The following PRDM15 variants were observed in gnomAD, a reference collection of about 807,000 sequenced individuals.
PRDM15 encodes PR domain zinc finger protein 15.
PRDM15 carries 64 observed loss-of-function variants against 128.6 expected under a neutral mutation model. The observed-to-expected ratio is 0.50, with a 90% CI of 0.41 to 0.61. The LOEUF (loss-of-function observed/expected upper bound fraction) is 0.61, where lower values mean the gene tolerates loss of function less well. Among genes scored for constraint, PRDM15 ranks in the 20% least tolerant of loss-of-function variants. The pLI is 0.00. For synonymous variants in PRDM15, 615 were observed against 621.8 expected (o/e 0.99, Z 0.16); for missense variants, 1,242 against 1,569.1 (o/e 0.79, Z 3.52).
intron 19 of PRDM15, chr21:41,813,342 G>A (rs1461764411): frequency 6.6e-6 from 1 of 152,278 alleles, no homozygotes; most frequent in African/African-American, 2.4e-5. Flanking sequence ...TCCCAAAAAT[G>A]GTAAAGCATA....
At chr21:41,858,061 C>T (rs7282182) in intron 3 of PRDM15, among the ~76,000 whole-genome samples, 67,985 of 152,078 alleles carry the variant, frequency 0.45, 15,361 homozygotes, top group South Asian at 0.5. Flanking sequence ...GGAGGAGGGA[C>T]CACAGGGAAC....
intron 1 of PRDM15, chr21:41,867,446 T>G: frequency 8.3e-7 from 1 of 1,198,594 alleles, no homozygotes; most frequent in Non-Finnish European, 1.2e-6. Flanking sequence ...AACATACATG[T>G]TGAAGAGACA....
chr21:41,831,012 A>G (rs28550483), intron 11 of PRDM15, among the ~76,000 whole-genome samples: 65,378 of 152,136 alleles, frequency 0.43, 14,512 homozygotes, highest in East Asian at 0.57. Context: ...GCAGAGCTGC[A>G]TTCTCCTCCC....
intron 18 of PRDM15, among the ~76,000 whole-genome samples, chr21:41,816,936 G>T (rs564863961): frequency 4.2e-4 from 63 of 148,496 alleles, no homozygotes; most frequent in African/African-American, 1.5e-3. Context: ...GACACGCCCA[G>T]ACCCCAGCAC....
intron 18 of PRDM15, among the ~76,000 whole-genome samples, chr21:41,816,683 G>C (rs765735099): frequency 3.9e-5 from 6 of 152,150 alleles, no homozygotes; most frequent in Admixed American, 2.0e-4. Flanking sequence ...GCTCCTGCCA[G>C]AATTCTAAAG....
chr21:41,821,992 T>C lies in PRDM15; in HGVS notation c.1807A>G (p.Lys603Glu). The C allele has an allele frequency of 6.2e-7, 1 of 1,614,180 alleles. No individual in the cohort carries two copies. Among genetic ancestry groups the C allele is most frequent in the Middle Eastern group, 1.6e-4 (1 of 6,062 alleles). The change falls in exon 15 of 24, where the codon AAG becomes GAG. Residue 603 changes from lysine to glutamate, a missense_variant. Coordinates refer to ENST00000398548, the MANE Select transcript of PRDM15 (RefSeq NM_001040424.3). The surrounding 1 kb of genome is among the most constrained non-coding windows in gnomAD (Gnocchi z 5.4). ...DDHQREEFIG[K>E]IGISSEENDD... ...TTTTCTTCCGAGGAGATCCCGATCTTGCCGATAAACTCTTCCCTCTGGTGG... is the reference window on the plus strand; with the variant it reads ...TTTTCTTCCGAGGAGATCCCGATCTCGCCGATAAACTCTTCCCTCTGGTGG...
At chr21:41,853,643 C>A (rs1332350632) in intron 5 of PRDM15, among the ~76,000 whole-genome samples, 1 of 152,208 alleles carries the variant, frequency 6.6e-6, no homozygotes, top group African/African-American at 2.4e-5. Context: ...GCTTGATGGG[C>A]AAAGTGATGC....
At position 41,859,080 on chromosome 21, in the gene PRDM15, G is replaced by C; in HGVS notation, c.131+512C>G. On this transcript the variant is annotated intron_variant, in intron 3 of 23. Transcript: ENST00000398548. This position sits in a 1 kb window ranked among gnomAD's most constrained non-coding sequence, Gnocchi z 5.3. ...AGCCTCCCCCAGGTGAGGGTGGAAC[G>C]GCAGGGCAGCTGCTGCCCACTGAGC... is the stretch of plus-strand genomic sequence containing the variant. The C allele has an allele frequency of 6.3e-7, 1 of 1,583,108 alleles. No homozygotes were observed. The highest frequency in any genetic ancestry group is 1.1e-5 in the South Asian group (1 of 87,084).
chr21:41,820,720 G>A (rs767447262), intron 16 of PRDM15, among the ~76,000 whole-genome samples: 4 of 152,250 alleles, frequency 2.6e-5, no homozygotes, highest in African/African-American at 7.2e-5. Context: ...AGCAGACCGC[G>A]CAGATTATGG....
At chr21:41,825,883 G>A in intron 13 of PRDM15, 77 bp downstream of exon 13, 2 of 1,149,508 alleles carry the variant, frequency 1.7e-6, no homozygotes, top group Middle Eastern at 3.9e-4. Flanking sequence ...TATTCTATAA[G>A]TACAGCTCAT....
Position 41,825,952 on chromosome 21 carries a change from A to T in PRDM15, c.1629+8T>A. ...ATCTCAGCGTCCGACGTGGACTGCG[A>T]GCATTACCTTGCCACACACCGGGCA... On this transcript the variant is annotated splice_region_variant and intron_variant, in intron 13 of 23. Transcript: ENST00000398548. 1 of 1,606,320 alleles carries T rather than the reference A, an allele frequency of 6.2e-7. No individual in the cohort carries two copies. Among genetic ancestry groups the T allele is most frequent in the South Asian group, 1.1e-5 (1 of 90,936 alleles).
At position 41,819,652 on chromosome 21, in the gene PRDM15, C is replaced by G; in HGVS notation, c.2190G>C (p.Lys730Asn). ...CACGCATGTGCTCCTTCAGCATGTCCTTCCTGGCAAAGGACTTCCCACACT... is the reference window on the plus strand; with the variant it reads ...CACGCATGTGCTCCTTCAGCATGTCGTTCCTGGCAAAGGACTTCCCACACT... ...CEQCGKSFAR[K>N]DMLKEHMRVH... Residue 730 changes from lysine (K) to asparagine (N), a missense_variant, in exon 18 of 24, where the codon AAG (lysine) becomes AAC (asparagine). Transcript: ENST00000398548. 1.2e-6 allele frequency: 2 copies of G among 1,610,594 alleles called. No individual in the cohort carries two copies. Among genetic ancestry groups the G allele is most frequent in the Non-Finnish European group, 1.7e-6 (2 of 1,179,180 alleles).
chr21:41,858,355 G>A (rs993501770), intron 3 of PRDM15, among the ~76,000 whole-genome samples: 8 of 152,118 alleles, frequency 5.3e-5, no homozygotes, highest in East Asian at 1.9e-4. Flanking sequence ...AGGCCCCTCC[G>A]ACAGAGGCGG....
chr21:41,847,676 G>A (rs2063309666), intron 5 of PRDM15, among the ~76,000 whole-genome samples: 1 of 152,204 alleles, frequency 6.6e-6, no homozygotes, highest in African/African-American at 2.4e-5. Context: ...AGCTTTCTGT[G>A]GATGACTGAC....
intron 8 of PRDM15, 117 bp from the exon 9 acceptor site, chr21:41,836,766 G>C: frequency 1.2e-6 from 1 of 815,306 alleles, no homozygotes. Flanking sequence ...GCCTGTATGC[G>C]AGAAAGGAGG....
At chr21:41,871,811 G>T in intron 1 of PRDM15, 1 of 581,856 alleles carries the variant, frequency 1.7e-6, no homozygotes, top group South Asian at 2.2e-5. Flanking sequence ...CAGCACCCAG[G>T]CTCAGGACGT....
At chr21:41,861,669 C>T in intron 1 of PRDM15, 1 of 1,614,140 alleles carries the variant, frequency 6.2e-7, no homozygotes. Context: ...GCCCTCCACC[C>T]CGCTCATCCC....
At chr21:41,825,600 C>T (rs185555055) in intron 13 of PRDM15, among the ~76,000 whole-genome samples, 1 of 142,842 alleles carries the variant, frequency 7.0e-6, no homozygotes, top group African/African-American at 2.6e-5. Context: ...ACTGGGTCCC[C>T]CTGCGTCCTC....
intron 5 of PRDM15, among the ~76,000 whole-genome samples, chr21:41,849,180 G>T (rs891020492): frequency 6.6e-6 from 1 of 152,216 alleles, no homozygotes; most frequent in Non-Finnish European, 1.5e-5. Context: ...CAGTGGGCGC[G>T]GCTGACTGCA....
Sources: allele counts gnomAD v4.1 joint callset (sites outside exome capture counted in the v4.1 genomes callset), GRCh38; gene constraint gnomAD v4.1.1; non-coding constraint Gnocchi (gnomAD v3.1); transcripts MANE v1.5; gene names NCBI Gene and HGNC (gene_info 2026-07-23, HGNC 2026-07-21).